Variants in CENPW observed in about 807,000 individuals in gnomAD.
CENPW encodes the protein centromere protein W.
A neutral mutation model predicts 11.1 loss-of-function variants in CENPW; 3 were observed. The ratio of observed to expected loss-of-function variants is 0.27; its 90% CI spans 0.12 to 0.70. The LOEUF (loss-of-function observed/expected upper bound fraction) is 0.70, where lower values mean the gene tolerates loss of function less well. Ranked by LOEUF, CENPW falls within the 30% of genes least tolerant of loss-of-function variation. CENPW has a pLI of 0.77. For synonymous variants in CENPW, 38 were observed against 42.0 expected (o/e 0.91, Z 0.37); for missense variants, 100 against 105.6 (o/e 0.95, Z 0.23).
At chr6:126,420,732 C>A in the CENPW span, among the ~76,000 whole-genome samples, 2 of 152,060 alleles carry the variant, frequency 1.3e-5, no homozygotes, top group East Asian at 3.9e-4. Context: ...GTACGGTAAT[C>A]TCTACTGAAG....
chr6:126,410,781 C>G, the CENPW span, among the ~76,000 whole-genome samples: 7 of 151,714 alleles, frequency 4.6e-5, no homozygotes, highest in African/African-American at 1.7e-4. Flanking sequence ...GGGGCTTTCA[C>G]TTGTATTTTT....
At chr6:126,411,365 C>T in the CENPW span, among the ~76,000 whole-genome samples, 3,722 of 152,270 alleles carry the variant, frequency 0.024, 68 homozygotes, top group Middle Eastern at 0.054. Context: ...TTCCTGTTTT[C>T]CCCACATTGG....
At chr6:126,392,184 T>G in the CENPW span, among the ~76,000 whole-genome samples, 2 of 151,964 alleles carry the variant, frequency 1.3e-5, no homozygotes, top group African/African-American at 4.8e-5. Context: ...TAGAAACCTT[T>G]CACTTTGGTT....
the CENPW span, among the ~76,000 whole-genome samples, chr6:126,410,554 C>A: frequency 5.9e-5 from 9 of 151,834 alleles, no homozygotes; most frequent in Non-Finnish European, 1.3e-4. Context: ...TCAAATTTGG[C>A]AATTTTTCAG....
At chr6:126,435,315 C>T in the CENPW span, among the ~76,000 whole-genome samples, 5 of 151,810 alleles carry the variant, frequency 3.3e-5, no homozygotes, top group South Asian at 2.1e-4. Context: ...ATATGAAAAA[C>T]GGCAGGTACA....
chr6:126,412,198 A>C, the CENPW span, among the ~76,000 whole-genome samples: 1 of 150,738 alleles, frequency 6.6e-6, no homozygotes, highest in African/African-American at 2.4e-5. Context: ...TTGTTGCCCA[A>C]GCTGGTCTTG....
the CENPW span, among the ~76,000 whole-genome samples, chr6:126,443,984 A>C: frequency 6.6e-6 from 1 of 150,982 alleles, no homozygotes; most frequent in Non-Finnish European, 1.5e-5. Flanking sequence ...AGACTCTCAA[A>C]TATATTAAGA....
the CENPW span, among the ~76,000 whole-genome samples, chr6:126,359,284 A>T: frequency 1.3e-5 from 2 of 151,644 alleles, no homozygotes; most frequent in Non-Finnish European, 2.9e-5. Flanking sequence ...CTGAGAGTGT[A>T]CTTGATATGA....
At chr6:126,409,941 TATC>T in the CENPW span, among the ~76,000 whole-genome samples, 2 of 151,966 alleles carry the variant, frequency 1.3e-5, no homozygotes, top group Non-Finnish European at 2.9e-5. Context: ...CAATTACTCT[TATC>T]ATCTGTTGTA....
At chr6:126,356,092 T>C in the CENPW span, among the ~76,000 whole-genome samples, 3 of 152,172 alleles carry the variant, frequency 2.0e-5, no homozygotes, top group Non-Finnish European at 2.9e-5. Flanking sequence ...GATGTTTCTC[T>C]CTATAAAAAA....
chr6:126,431,862 C>A, the CENPW span, among the ~76,000 whole-genome samples: 13 of 151,746 alleles, frequency 8.6e-5, no homozygotes, highest in Admixed American at 6.6e-5. Context: ...GTCAGGAGTT[C>A]AAGACCAGCC....
chr6:126,400,300 C>G, the CENPW span, among the ~76,000 whole-genome samples: 1 of 152,028 alleles, frequency 6.6e-6, no homozygotes, highest in Non-Finnish European at 1.5e-5. Context: ...TTACATTTTC[C>G]TGATAGATAA....
At chr6:126,447,452 A>G in the CENPW span, among the ~76,000 whole-genome samples, 2 of 151,256 alleles carry the variant, frequency 1.3e-5, no homozygotes, top group Non-Finnish European at 3.0e-5. Context: ...TTTGAAGAAG[A>G]CTGATTAAAT....
the CENPW span, among the ~76,000 whole-genome samples, chr6:126,396,202 C>T: frequency 7.9e-5 from 12 of 152,076 alleles, no homozygotes; most frequent in Non-Finnish European, 1.2e-4. Context: ...CCTTAGAAAT[C>T]TATATGGTGT....
the CENPW span, among the ~76,000 whole-genome samples, chr6:126,429,135 A>C: frequency 6.6e-6 from 1 of 152,106 alleles, no homozygotes; most frequent in Admixed American, 6.6e-5. Context: ...GTCTTGATTA[A>C]TCTCTTTTGT....
At chr6:126,371,089 T>G in the CENPW span, among the ~76,000 whole-genome samples, 1 of 152,174 alleles carries the variant, frequency 6.6e-6, no homozygotes, top group Admixed American at 6.5e-5. Flanking sequence ...TTTCTTCCTC[T>G]TGTCTGATTG....
chr6:126,435,654 T>G, the CENPW span, among the ~76,000 whole-genome samples: 1 of 151,900 alleles, frequency 6.6e-6, no homozygotes, highest in African/African-American at 2.4e-5. Context: ...CTTATGTAAT[T>G]AATTTTCTCA....
the CENPW span, among the ~76,000 whole-genome samples, chr6:126,456,846 A>G: frequency 1.3e-5 from 2 of 151,736 alleles, no homozygotes; most frequent in African/African-American, 4.8e-5. Context: ...ACTGAAACAA[A>G]TTAACAAGCA....
the CENPW span, among the ~76,000 whole-genome samples, chr6:126,441,833 T>G: frequency 6.6e-6 from 1 of 151,634 alleles, no homozygotes; most frequent in African/African-American, 2.4e-5. Flanking sequence ...TATGCCACGT[T>G]TTCTTTATCC....
Sources: allele counts gnomAD v4.1 joint callset (sites outside exome capture counted in the v4.1 genomes callset), GRCh38; gene constraint gnomAD v4.1.1; transcripts MANE v1.5; gene names NCBI Gene and HGNC (gene_info 2026-07-23, HGNC 2026-07-21).